The following SUPT3H variants were observed in gnomAD, a reference collection of about 807,000 sequenced individuals.
The protein encoded by SUPT3H is SPT3 homolog, SAGA and STAGA complex component.
In SUPT3H, 44 loss-of-function variants were observed where a neutral mutation model predicts 44.3. The ratio of observed to expected loss-of-function variants is 0.99; its 90% CI spans 0.78 to 1.28. The LOEUF (loss-of-function observed/expected upper bound fraction) is 1.28. Among genes scored for constraint, SUPT3H ranks in the 50% most tolerant of loss-of-function variants. SUPT3H has a pLI of 0.00. For synonymous variants in SUPT3H, 124 were observed against 125.6 expected (o/e 0.99, Z 0.09); for missense variants, 380 against 387.1 (o/e 0.98, Z 0.15).
At chr6:44,881,535 G>C (rs997934933) in intron 10 of SUPT3H, among the ~76,000 whole-genome samples, 1 of 152,124 alleles carries the variant, frequency 6.6e-6, no homozygotes, top group African/African-American at 2.4e-5. Context: ...GGACCAAGTG[G>C]ACCTAATAGA....
chr6:44,888,318 A>G (rs1455191512), intron 10 of SUPT3H, among the ~76,000 whole-genome samples: 2 of 152,188 alleles, frequency 1.3e-5, no homozygotes, highest in East Asian at 3.9e-4. Context: ...ACAAAAAAAG[A>G]GAATTTTAGA....
At chr6:45,189,797 T>C (rs1043017914) in intron 2 of SUPT3H, among the ~76,000 whole-genome samples, 1 of 152,228 alleles carries the variant, frequency 6.6e-6, no homozygotes, top group African/African-American at 2.4e-5. Context: ...TTATTTTTAT[T>C]GGAAAGCCAT....
intron 1 of SUPT3H, among the ~76,000 whole-genome samples, chr6:45,366,443 A>G (rs910752448): frequency 1.3e-5 from 2 of 152,236 alleles, no homozygotes; most frequent in African/African-American, 4.8e-5. Flanking sequence ...AATTTAGAGC[A>G]GTACTGATAG....
intron 10 of SUPT3H, among the ~76,000 whole-genome samples, chr6:44,839,910 C>A (rs1235651180): frequency 2.6e-5 from 4 of 152,164 alleles, no homozygotes; most frequent in South Asian, 4.2e-4. Flanking sequence ...CCGTGTTAGC[C>A]AGGATGGTCT....
intron 1 of SUPT3H, among the ~76,000 whole-genome samples, chr6:45,370,239 T>G (rs1795829980): frequency 6.6e-6 from 1 of 152,140 alleles, no homozygotes; most frequent in East Asian, 1.9e-4. Context: ...AGTGGTCAGA[T>G]TTCTGGAATA....
intron 3 of SUPT3H, among the ~76,000 whole-genome samples, chr6:45,087,376 G>T (rs1337636753): frequency 6.6e-6 from 1 of 151,710 alleles, no homozygotes; most frequent in Admixed American, 6.6e-5. Flanking sequence ...ACGAACTTAG[G>T]AAGTACAATT....
intron 6 of SUPT3H, among the ~76,000 whole-genome samples, chr6:44,990,636 G>A (rs1044515576): frequency 8.5e-5 from 13 of 152,090 alleles, no homozygotes; most frequent in African/African-American, 2.9e-4. Flanking sequence ...AATAGACAAT[G>A]GAACTTTACA....
chr6:45,282,335 GAA>G (rs55980178), intron 2 of SUPT3H, among the ~76,000 whole-genome samples: 3 of 151,834 alleles, frequency 2.0e-5, no homozygotes, highest in African/African-American at 7.3e-5. Flanking sequence ...TAAAAACCTT[GAA>G]AAAAAAATTA....
At chr6:45,130,486 A>G (rs560257229) in intron 2 of SUPT3H, among the ~76,000 whole-genome samples, 1 of 152,030 alleles carries the variant, frequency 6.6e-6, no homozygotes, top group East Asian at 1.9e-4. Flanking sequence ...TGCTATGAAC[A>G]TTTGTATACG....
At chr6:45,062,986 G>A (rs982592194) in intron 3 of SUPT3H, among the ~76,000 whole-genome samples, 1 of 151,674 alleles carries the variant, frequency 6.6e-6, no homozygotes, top group African/African-American at 2.4e-5. Flanking sequence ...GCCTGCCTCT[G>A]TAGGCTCCAC....
chr6:45,104,226 C>T (rs1388419097), intron 3 of SUPT3H, among the ~76,000 whole-genome samples: 2 of 151,952 alleles, frequency 1.3e-5, no homozygotes, highest in African/African-American at 4.8e-5. Context: ...AAGCATTTGA[C>T]TTTAAAGGAA....
intron 2 of SUPT3H, among the ~76,000 whole-genome samples, chr6:45,288,795 A>G (rs1179391046): frequency 6.6e-6 from 1 of 151,900 alleles, no homozygotes; most frequent in African/African-American, 2.4e-5. Flanking sequence ...ACTTTTTCTG[A>G]CAGTTTTCAC....
chr6:45,090,193 A>G (rs1215473139), intron 3 of SUPT3H, among the ~76,000 whole-genome samples: 1 of 152,102 alleles, frequency 6.6e-6, no homozygotes, highest in African/African-American at 2.4e-5. Context: ...TTAGCTATTA[A>G]TCATTACTAT....
chr6:45,067,036 G>A (rs1318376274), intron 3 of SUPT3H, among the ~76,000 whole-genome samples: 1 of 144,122 alleles, frequency 6.9e-6, no homozygotes, highest in Non-Finnish European at 1.5e-5. Context: ...CAAAGCTGGA[G>A]GCATCACACT....
intron 7 of SUPT3H, among the ~76,000 whole-genome samples, chr6:44,956,485 A>T (rs1251477127): frequency 4.9e-4 from 4 of 8,190 alleles, no homozygotes; most frequent in Non-Finnish European, 1.8e-3. Flanking sequence ...AAAAAAAAAT[A>T]AAAAAAAAAA....
intron 10 of SUPT3H, among the ~76,000 whole-genome samples, chr6:44,928,336 AAAAC>A (rs1175746529): frequency 6.6e-6 from 1 of 152,332 alleles, no homozygotes; most frequent in South Asian, 2.1e-4. Flanking sequence ...AGAACTAAGA[AAAAC>A]AAACAAGAAG....
At chr6:44,941,755 A>G (rs1434518586) in intron 9 of SUPT3H, among the ~76,000 whole-genome samples, 1 of 152,188 alleles carries the variant, frequency 6.6e-6, no homozygotes, top group Non-Finnish European at 1.5e-5. Flanking sequence ...ATAACTATAC[A>G]TCAAATTTCT....
At chr6:45,255,653 C>A (rs1486847499) in intron 2 of SUPT3H, among the ~76,000 whole-genome samples, 1 of 151,938 alleles carries the variant, frequency 6.6e-6, no homozygotes, top group Non-Finnish European at 1.5e-5. Flanking sequence ...GAACTCCTGG[C>A]CTCAGGTGAT....
intron 2 of SUPT3H, among the ~76,000 whole-genome samples, chr6:45,125,627 T>C (rs926071466): frequency 6.6e-6 from 1 of 152,182 alleles, no homozygotes; most frequent in Non-Finnish European, 1.5e-5. Flanking sequence ...GATGATAATA[T>C]GGTACATGGG....
Sources: gnomAD v4.1 joint callset for allele counts (sites outside exome capture counted in the v4.1 genomes callset) on GRCh38, gnomAD v4.1.1 for gene constraint, MANE v1.5 for transcripts, NCBI Gene and HGNC (gene_info 2026-07-23, HGNC 2026-07-21) for gene names.